Variants in CNTNAP2 observed in about 807,000 individuals in gnomAD.
CNTNAP2 encodes contactin associated protein 2.
CNTNAP2 carries 98 observed loss-of-function variants against 155.2 expected under a neutral mutation model. That is an observed-to-expected ratio of 0.63 (90% CI 0.54 to 0.75). The LOEUF is 0.75. Ranked by LOEUF, CNTNAP2 falls within the 30% of genes least tolerant of loss-of-function variation. The pLI, the probability that CNTNAP2 is intolerant of heterozygous loss-of-function variation, is 0.00. For synonymous variants in CNTNAP2, 651 were observed against 631.2 expected (o/e 1.03, Z -0.47); for missense variants, 1,727 against 1,688.1 (o/e 1.02, Z -0.40).
intron 1 of CNTNAP2, among the ~76,000 whole-genome samples, chr7:146,357,717 T>C (rs1282535237): frequency 1.3e-5 from 2 of 152,184 alleles, no homozygotes; most frequent in Admixed American, 1.3e-4. Context: ...TTATATCTTA[T>C]AGGTAAGATA....
chr7:147,840,049 A>G (rs1798704005), intron 13 of CNTNAP2, among the ~76,000 whole-genome samples: 1 of 152,130 alleles, frequency 6.6e-6, no homozygotes, highest in Admixed American at 6.5e-5. Flanking sequence ...ATTATGTTAA[A>G]TGAAATAACT....
intron 3 of CNTNAP2, among the ~76,000 whole-genome samples, chr7:146,937,370 AAAAT>A (rs1472659221): frequency 2.1e-4 from 31 of 147,992 alleles, no homozygotes; most frequent in African/African-American, 8.0e-4. Context: ...AAATAAAAAT[AAAAT>A]AAAATAAAAT....
At chr7:146,736,292 C>T (rs189247809) in intron 1 of CNTNAP2, among the ~76,000 whole-genome samples, 33 of 152,122 alleles carry the variant, frequency 2.2e-4, no homozygotes, top group Admixed American at 9.2e-4. Flanking sequence ...GTATAAGAAT[C>T]TTGGCAGCAA....
At chr7:146,176,197 T>C (rs1000228819) in intron 1 of CNTNAP2, among the ~76,000 whole-genome samples, 4 of 152,200 alleles carry the variant, frequency 2.6e-5, no homozygotes. Flanking sequence ...GTATGGCATA[T>C]TGAGGGACAA....
chr7:147,638,991 G>A (rs1463769583), intron 12 of CNTNAP2, 115 bp from the exon 13 acceptor site: 2 of 1,072,678 alleles, frequency 1.9e-6, no homozygotes, highest in African/African-American at 3.1e-5. Flanking sequence ...CCTTAACACT[G>A]TTCTACACCA....
intron 1 of CNTNAP2, chr7:146,117,209 G>A (rs1018148272): frequency 3.6e-6 from 2 of 555,792 alleles, no homozygotes; most frequent in South Asian, 2.2e-5. Context: ...CCTGGTCTTG[G>A]TGATCGGTTG....
intron 12 of CNTNAP2, among the ~76,000 whole-genome samples, chr7:147,636,425 T>TTTTTTG (rs144550735): frequency 0.071 from 10,518 of 147,292 alleles, 1,008 homozygotes; most frequent in African/African-American, 0.21. Flanking sequence ...TAACTTTTAC[T>TTTTTTG]TTTTTATTTT....
intron 1 of CNTNAP2, among the ~76,000 whole-genome samples, chr7:146,404,124 CAAAAA>C (rs1163559597): frequency 3.8e-4 from 28 of 72,768 alleles, no homozygotes; most frequent in African/African-American, 7.9e-4. Context: ...GACTCCGTCT[CAAAAA>C]AAAAAAAAAA....
At chr7:146,654,737 G>A (rs941241420) in intron 1 of CNTNAP2, among the ~76,000 whole-genome samples, 1 of 151,946 alleles carries the variant, frequency 6.6e-6, no homozygotes, top group Non-Finnish European at 1.5e-5. Context: ...TAATGTCTTT[G>A]GCTTGTTATA....
chr7:147,356,580 GTATTTAGTCTAGTTT>G, intron 9 of CNTNAP2, among the ~76,000 whole-genome samples: 1 of 152,088 alleles, frequency 6.6e-6, no homozygotes, highest in East Asian at 1.9e-4. Context: ...TCTTTATTTA[GTATTTAGTCTAGTTT>G]TAAGAAAGTC....
At chr7:146,509,756 T>C (rs953744632) in intron 1 of CNTNAP2, among the ~76,000 whole-genome samples, 2 of 152,160 alleles carry the variant, frequency 1.3e-5, no homozygotes, top group African/African-American at 4.8e-5. Context: ...TTACCTGTGC[T>C]GCATCCTGCA....
chr7:146,912,998 C>G (rs896638139), intron 3 of CNTNAP2, among the ~76,000 whole-genome samples: 12 of 152,064 alleles, frequency 7.9e-5, no homozygotes, highest in African/African-American at 2.9e-4. Flanking sequence ...TAGATGATGT[C>G]TTCAGGAAAA....
At chr7:148,321,036 G>A (rs1455997443) in intron 21 of CNTNAP2, among the ~76,000 whole-genome samples, 1 of 152,162 alleles carries the variant, frequency 6.6e-6, no homozygotes, top group African/African-American at 2.4e-5. Context: ...AGGAGCGCCT[G>A]GCCAGAGAGA....
At chr7:146,412,930 T>C (rs1795887094) in intron 1 of CNTNAP2, among the ~76,000 whole-genome samples, 1 of 152,232 alleles carries the variant, frequency 6.6e-6, no homozygotes, top group Non-Finnish European at 1.5e-5. Flanking sequence ...CATTTTTTTA[T>C]ACCTCATCAG....
intron 18 of CNTNAP2, among the ~76,000 whole-genome samples, chr7:148,205,827 CA>C (rs1467425168): frequency 6.6e-6 from 1 of 152,092 alleles, no homozygotes; most frequent in Non-Finnish European, 1.5e-5. Context: ...TGCTGGAGGC[CA>C]GGGGCTAGCT....
intron 21 of CNTNAP2, among the ~76,000 whole-genome samples, chr7:148,272,970 G>T (rs1325099889): frequency 6.6e-6 from 1 of 152,210 alleles, no homozygotes; most frequent in East Asian, 1.9e-4. Flanking sequence ...GGGTGGATTA[G>T]ACTTAGTTGA....
intron 15 of CNTNAP2, among the ~76,000 whole-genome samples, chr7:147,996,328 C>A (rs1470761122): frequency 6.6e-6 from 1 of 152,196 alleles, no homozygotes; most frequent in Non-Finnish European, 1.5e-5. Flanking sequence ...CAGATTCCCA[C>A]ACAGCTCCCC....
intron 17 of CNTNAP2, among the ~76,000 whole-genome samples, chr7:148,155,412 A>AT (rs1188259185): frequency 1.3e-5 from 2 of 152,022 alleles, no homozygotes; most frequent in African/African-American, 2.4e-5. Context: ...CTTTATTTTG[A>AT]TTTTTTGGTT....
At chr7:147,090,151 G>T (rs549933663) in intron 4 of CNTNAP2, among the ~76,000 whole-genome samples, 3 of 152,094 alleles carry the variant, frequency 2.0e-5, no homozygotes, top group Admixed American at 6.6e-5. Flanking sequence ...TGCATGTTAT[G>T]GTAAAAATAT....
Sources: allele counts gnomAD v4.1 joint callset (sites outside exome capture counted in the v4.1 genomes callset), GRCh38; gene constraint gnomAD v4.1.1; transcripts MANE v1.5; gene names NCBI Gene and HGNC (gene_info 2026-07-23, HGNC 2026-07-21).